MSH3: variants seen among roughly 807,000 people sequenced by gnomAD.
MSH3 encodes the protein mutS homolog 3, also known as DNA mismatch repair protein Msh3.
A neutral mutation model predicts 123.3 loss-of-function variants in MSH3; 106 were observed. That is an observed-to-expected ratio of 0.86 (90% CI 0.73 to 1.01). The LOEUF (loss-of-function observed/expected upper bound fraction) is 1.01. Ranked by LOEUF, MSH3 falls within the 50% of genes least tolerant of loss-of-function variation. The pLI, the probability that MSH3 is intolerant of heterozygous loss-of-function variation, is 0.00. For missense variants in MSH3, 1,459 were observed against 1,347.6 expected (o/e 1.08, Z -1.29); for synonymous variants, 515 against 481.4 (o/e 1.07, Z -0.91).
In MSH3 at chr5:80,665,301, A is replaced by G. The variant is rs750311213; in HGVS notation, c.517A>G (p.Ser173Gly). 2.5e-5 allele frequency: 41 copies of G among 1,613,698 alleles called. 1 individual carries two copies. The highest frequency in any genetic ancestry group is 3.5e-5 in the Non-Finnish European group (41 of 1,180,002). Reference sequence around the variant, plus strand: ...AAAATGTACTGATTTTGATGATATCAGTCTTCTACACGCAAAGAATGCAGT... The same window carrying G: ...AAAATGTACTGATTTTGATGATATCGGTCTTCTACACGCAAAGAATGCAGT... ...LPKCTDFDDI[S>G]LLHAKNAVSS... The change falls in exon 3 of 24, where the codon AGT becomes GGT. Residue 173 changes from serine (S) to glycine (G), a missense_variant. Ser to Gly is a moderately conservative substitution (Grantham distance 56). Transcript: ENST00000265081.
chr5:80,692,636 A>G (rs868256799), intron 8 of MSH3, among the ~76,000 whole-genome samples: 3 of 139,954 alleles, frequency 2.1e-5, no homozygotes, highest in Non-Finnish European at 3.1e-5. Flanking sequence ...GTATATGTTT[A>G]TATATGTTTA....
At chr5:80,785,689 C>T (rs1001715705) in intron 17 of MSH3, among the ~76,000 whole-genome samples, 4 of 152,102 alleles carry the variant, frequency 2.6e-5, no homozygotes, top group Non-Finnish European at 5.9e-5. Flanking sequence ...GACACATGCA[C>T]ACGTATGTTT....
intron 8 of MSH3, among the ~76,000 whole-genome samples, chr5:80,700,695 C>A (rs950071661): frequency 5.9e-5 from 9 of 151,914 alleles, no homozygotes; most frequent in African/African-American, 2.2e-4. Flanking sequence ...AGAACATTTG[C>A]CATGAGTTTA....
chr5:80,672,282 T>G lies in MSH3; in HGVS notation c.831T>G (p.Asp277Glu). The change falls in exon 5 of 24, where the codon GAT (aspartate) becomes GAG (glutamate). Residue 277 changes from aspartate to glutamate, a missense_variant. By Grantham distance (45) the Asp-to-Glu change is conservative. Transcript: ENST00000265081. ...ARELNIYCHLDHNFMTASIPT... is the reference protein window; with the variant it reads ...ARELNIYCHLEHNFMTASIPT... The stretch of plus-strand genomic sequence containing the variant: ...AGCTCAATATTTATTGCCATTTAGA[T>G]CACAACTTTATGACAGCAAGTATAC... 6.2e-7 allele frequency: 1 copy of G among 1,614,058 alleles called. No individual in the cohort carries two copies. Among genetic ancestry groups the G allele is most frequent in the South Asian group, 1.1e-5 (1 of 91,064 alleles).
chr5:80,844,326 G>GTC (rs1313024987), intron 20 of MSH3, among the ~76,000 whole-genome samples: 2 of 152,034 alleles, frequency 1.3e-5, no homozygotes, highest in South Asian at 2.1e-4. Context: ...CAGTTATGTG[G>GTC]TCAATTTTAG....
chr5:80,662,989 C>A (rs1042199922), intron 2 of MSH3, among the ~76,000 whole-genome samples: 14 of 152,166 alleles, frequency 9.2e-5, no homozygotes, highest in Non-Finnish European at 1.5e-4. Context: ...ATTCCTAACG[C>A]TTTGAGAGGC....
chr5:80,709,116 A>G (rs1019890189), intron 8 of MSH3, among the ~76,000 whole-genome samples: 1 of 151,896 alleles, frequency 6.6e-6, no homozygotes, highest in African/African-American at 2.4e-5. Context: ...TTTATCACAT[A>G]ATAGAAATAA....
chr5:80,775,296 A>G (rs1744279422), intron 15 of MSH3, among the ~76,000 whole-genome samples: 1 of 152,162 alleles, frequency 6.6e-6, no homozygotes, highest in Non-Finnish European at 1.5e-5. Flanking sequence ...CATATCTCAG[A>G]CTGGTGTAAC....
intron 9 of MSH3, among the ~76,000 whole-genome samples, chr5:80,726,832 A>G (rs1012099546): frequency 6.6e-5 from 10 of 152,306 alleles, no homozygotes; most frequent in South Asian, 4.1e-4. Context: ...ATGTTCAACT[A>G]AAGACCTGAT....
At chr5:80,849,619 C>T (rs1346678665) in intron 20 of MSH3, among the ~76,000 whole-genome samples, 2 of 152,162 alleles carry the variant, frequency 1.3e-5, no homozygotes, top group African/African-American at 4.8e-5. Context: ...AAGCCACAAC[C>T]TGAGCTGTAC....
intron 8 of MSH3, among the ~76,000 whole-genome samples, chr5:80,680,289 T>G (rs78985433): frequency 0.011 from 1,748 of 152,072 alleles, 33 homozygotes; most frequent in African/African-American, 0.039. Flanking sequence ...TCAAACTGAT[T>G]GATTAAGTGA....
chr5:80,833,900 T>C (rs764158122), intron 20 of MSH3, among the ~76,000 whole-genome samples: 14 of 152,072 alleles, frequency 9.2e-5, no homozygotes, highest in Non-Finnish European at 1.6e-4. Flanking sequence ...AGAGAGAAAA[T>C]AAGAATTGAA....
intron 19 of MSH3, among the ~76,000 whole-genome samples, chr5:80,807,935 G>T (rs965166425): frequency 6.6e-6 from 1 of 152,286 alleles, no homozygotes; most frequent in East Asian, 1.9e-4. Context: ...ACAGTGGCCA[G>T]GCTGGGAATT....
chr5:80,766,463 G>A (rs553537442), intron 13 of MSH3, among the ~76,000 whole-genome samples: 80 of 146,348 alleles, frequency 5.5e-4, no homozygotes, highest in Middle Eastern at 3.7e-3. Flanking sequence ...CTCCTGCCTC[G>A]CCACCTGAGT....
In MSH3 at chr5:80,798,480, C is replaced by T. The variant is rs1490195470; in HGVS notation, c.2655+5636C>T. 3.3e-5 allele frequency among the ~76,000 whole-genome samples: 5 copies of T among 152,140 alleles called. No homozygotes were observed. The East Asian group carries it at 7.7e-4, about 23-fold the overall frequency. ...GACTAGTTACAGTAATATTCATAAG[C>T]TGTTGACAATTTGTGCCTAATTACC... On this transcript the variant is annotated intron_variant, in intron 19 of 23. Transcript: ENST00000265081.
In MSH3 at chr5:80,676,609, C is replaced by G. The variant is rs189330127; in HGVS notation, c.1173+1481C>G. Among the ~76,000 whole-genome samples the G allele has an allele frequency of 4.7e-3, 720 of 152,236 alleles. 13 individuals carry two copies. The highest frequency in any genetic ancestry group is 3.2e-3 in the Non-Finnish European group (219 of 68,018). On this transcript the variant is annotated intron_variant, in intron 7 of 23. Transcript: ENST00000265081. ...TTAATACCTTATTTTGACTGCATAA[C>G]TCTGTGTTAACTTGACATTTGCTTA...
At chr5:80,669,588 GTTCT>G (rs949088266) in intron 3 of MSH3, among the ~76,000 whole-genome samples, 9 of 151,992 alleles carry the variant, frequency 5.9e-5, no homozygotes, top group African/African-American at 1.5e-4. Context: ...GAGAATCATG[GTTCT>G]TTCTTTCTAT....
At chr5:80,773,095 C>T (rs1184338219) in intron 15 of MSH3, among the ~76,000 whole-genome samples, 2 of 152,162 alleles carry the variant, frequency 1.3e-5, no homozygotes, top group Non-Finnish European at 2.9e-5. Flanking sequence ...TCAAAATGTC[C>T]ACCATCCCTT....
At chr5:80,715,715 A>C (rs566793868) in intron 8 of MSH3, among the ~76,000 whole-genome samples, 25 of 152,274 alleles carry the variant, frequency 1.6e-4, no homozygotes, top group Admixed American at 1.2e-3. Flanking sequence ...GAAGCAGGCA[A>C]GTCCTACATG....
Sources: allele counts gnomAD v4.1 joint callset (sites outside exome capture counted in the v4.1 genomes callset), GRCh38; gene constraint gnomAD v4.1.1; transcripts MANE v1.5; gene names NCBI Gene and HGNC (gene_info 2026-07-23, HGNC 2026-07-21).